CTXND1: variants seen among roughly 807,000 people sequenced by gnomAD.
CTXND1 encodes the protein cortexin domain-containing 1 protein.
chr15:80,206,557 C>G (rs966963912), intron 1 of CTXND1, among the ~76,000 whole-genome samples: 2 of 151,576 alleles, frequency 1.3e-5, no homozygotes, highest in African/African-American at 4.8e-5. Context: ...TTTTCTTTAT[C>G]CCTGATTCTT....
At chr15:80,229,659 C>T (rs981218776) in intron 1 of CTXND1, among the ~76,000 whole-genome samples, 12 of 152,164 alleles carry the variant, frequency 7.9e-5, no homozygotes, top group South Asian at 4.1e-4. Flanking sequence ...TTTGTTCCTA[C>T]GGTATTTTGG....
chr15:80,251,126 T>A (rs969433065), intron 1 of CTXND1, among the ~76,000 whole-genome samples: 1 of 152,216 alleles, frequency 6.6e-6, no homozygotes, highest in African/African-American at 2.4e-5. Context: ...TGGAGCTTTT[T>A]TCCTGGGTCC....
intron 1 of CTXND1, among the ~76,000 whole-genome samples, chr15:80,212,657 A>T (rs1313344947): frequency 1.3e-5 from 2 of 152,206 alleles, no homozygotes; most frequent in Non-Finnish European, 2.9e-5. Flanking sequence ...AGAAAAAAAT[A>T]TTGGAAAACT....
At chr15:80,225,144 C>T (rs1278487121) in intron 1 of CTXND1, among the ~76,000 whole-genome samples, 1 of 152,204 alleles carries the variant, frequency 6.6e-6, no homozygotes, top group Non-Finnish European at 1.5e-5. Context: ...GTTCCTTTCT[C>T]AGAACTTTAA....
intron 1 of CTXND1, among the ~76,000 whole-genome samples, chr15:80,224,146 C>G (rs570848127): frequency 6.6e-6 from 1 of 152,288 alleles, no homozygotes; most frequent in East Asian, 1.9e-4. Flanking sequence ...GGAACCCCAG[C>G]AGTTCCAGCC....
At chr15:80,240,338 C>A (rs1251679701) in intron 1 of CTXND1, among the ~76,000 whole-genome samples, 1 of 152,152 alleles carries the variant, frequency 6.6e-6, no homozygotes, top group Non-Finnish European at 1.5e-5. Context: ...TTGCCCCTGT[C>A]CCTCATCTCC....
At chr15:80,238,490 T>G (rs570749702) in intron 1 of CTXND1, among the ~76,000 whole-genome samples, 11 of 151,386 alleles carry the variant, frequency 7.3e-5, no homozygotes, top group South Asian at 2.1e-4. Context: ...ATGTTTGTTT[T>G]TTTTTTTTTT....
intron 1 of CTXND1, among the ~76,000 whole-genome samples, 169 bp from the exon 2 acceptor site, chr15:80,203,909 T>C (rs1893114692): frequency 6.6e-6 from 1 of 151,454 alleles, no homozygotes; most frequent in Admixed American, 6.6e-5. Context: ...AACTTTCAAG[T>C]CTGTAATCCC....
At chr15:80,229,686 C>T (rs769275870) in intron 1 of CTXND1, among the ~76,000 whole-genome samples, 12 of 152,144 alleles carry the variant, frequency 7.9e-5, no homozygotes, top group East Asian at 1.9e-4. Flanking sequence ...AAAGCAATAT[C>T]GTCTTGACTA....
intron 1 of CTXND1, among the ~76,000 whole-genome samples, chr15:80,233,418 T>G (rs1304451440): frequency 6.6e-6 from 1 of 152,226 alleles, no homozygotes; most frequent in East Asian, 1.9e-4. Flanking sequence ...TTCTTACTTT[T>G]GTTCTTACAG....
rs753883712 is a variant in CTXND1, at chr15:80,197,377, G to T, written c.*4393C>A. 6.6e-6 allele frequency: 1 copy of T among 152,174 alleles called. No individual in the cohort carries two copies. Among genetic ancestry groups the T allele is most frequent in the Non-Finnish European group, 1.5e-5 (1 of 68,076 alleles). The allele number at this position is 152,174 out of a possible 1,614,324, so 9.4% of individuals were successfully genotyped here. A position where few individuals can be genotyped will look rare whatever the true frequency, so the allele number is the denominator to read the frequency against. On this transcript the variant is annotated 3_prime_UTR_variant, in exon 3 of 3. Coordinates refer to ENST00000560778, the MANE Select transcript of CTXND1 (RefSeq NM_001352888.2). ...GAGCTACCTTGCCTTGTCATCCCTG[G>T]GTGTTTTACTGTTCCCTGTTGTTTT...
At chr15:80,221,139 G>C (rs893923342) in intron 1 of CTXND1, among the ~76,000 whole-genome samples, 1 of 151,982 alleles carries the variant, frequency 6.6e-6, no homozygotes, top group African/African-American at 2.4e-5. Flanking sequence ...TCGATTTGCT[G>C]ACCTCGTGAT....
chr15:80,231,683 T>G (rs1226690639), intron 1 of CTXND1, among the ~76,000 whole-genome samples: 1 of 152,214 alleles, frequency 6.6e-6, no homozygotes, highest in Non-Finnish European at 1.5e-5. Context: ...ACATGCCTCC[T>G]GTAACAGTCT....
intron 1 of CTXND1, among the ~76,000 whole-genome samples, chr15:80,242,733 G>T (rs1050256915): frequency 6.6e-6 from 1 of 152,156 alleles, no homozygotes; most frequent in African/African-American, 2.4e-5. Context: ...TGGAAGATTG[G>T]CTACACTGGG....
intron 1 of CTXND1, among the ~76,000 whole-genome samples, chr15:80,206,081 T>C (rs1175067538): frequency 6.6e-6 from 1 of 152,232 alleles, no homozygotes; most frequent in Non-Finnish European, 1.5e-5. Context: ...TCTATAGTTG[T>C]TAACGTTTTG....
At chr15:80,237,870 G>A (rs1481537618) in intron 1 of CTXND1, among the ~76,000 whole-genome samples, 2 of 151,970 alleles carry the variant, frequency 1.3e-5, no homozygotes, top group Non-Finnish European at 2.9e-5. Flanking sequence ...TTAGCTGGAT[G>A]TGGTGGCATG....
chr15:80,202,315 G>T (rs889188955), intron 2 of CTXND1, among the ~76,000 whole-genome samples: 1 of 152,118 alleles, frequency 6.6e-6, no homozygotes, highest in Non-Finnish European at 1.5e-5. Context: ...CTGAGGGTTG[G>T]GTGGGGATAG....
Position 80,199,990 on chromosome 15 carries a change from G to T in CTXND1, c.*1780C>A, listed in dbSNP as rs527610670. 1 of 152,192 alleles carries T rather than the reference G, an allele frequency of 6.6e-6. No homozygotes were observed. Among genetic ancestry groups the T allele is most frequent in the African/African-American group, 2.4e-5 (1 of 41,424 alleles). 9.4% of individuals were successfully genotyped at this position (152,192 alleles called of 1,614,324 possible). ...AGCTCAGGTGCTCTCATTTAACTTCGTACCATGTTATGGGAAAACTGATGA... is the reference window on the plus strand; with the variant it reads ...AGCTCAGGTGCTCTCATTTAACTTCTTACCATGTTATGGGAAAACTGATGA... On this transcript the variant is annotated 3_prime_UTR_variant, in exon 3 of 3. Transcript: ENST00000560778.
intron 1 of CTXND1, among the ~76,000 whole-genome samples, chr15:80,221,525 G>A (rs951742851): frequency 2.0e-5 from 3 of 152,312 alleles, no homozygotes; most frequent in Non-Finnish European, 1.5e-5. Context: ...CCAGGCTGCA[G>A]TGAGGTATGA....
Sources: allele counts gnomAD v4.1 joint callset (sites outside exome capture counted in the v4.1 genomes callset), GRCh38; gene constraint gnomAD v4.1.1; transcripts MANE v1.5; gene names NCBI Gene and HGNC (gene_info 2026-07-23, HGNC 2026-07-21).